Variants in NIPAL4 observed in about 807,000 individuals in gnomAD.
The protein encoded by NIPAL4 is NIPA like domain containing 4.
In NIPAL4, 21 loss-of-function variants were observed where a neutral mutation model predicts 31.6. The observed-to-expected ratio is 0.67, with a 90% CI of 0.47 to 0.96. The LOEUF is 0.96. Ranked by LOEUF, NIPAL4 falls within the 40% of genes least tolerant of loss-of-function variation. The pLI is 0.00. For synonymous variants in NIPAL4, 175 were observed against 211.1 expected, an observed-to-expected ratio of 0.83 and a Z score of 1.48; for missense variants, 438 against 508.0, an observed-to-expected ratio of 0.86 and a Z score of 1.32.
At chr5:157,468,873 G>A in intron 4 of NIPAL4, 61 bp downstream of exon 4, 2 of 1,201,772 alleles carry the variant, frequency 1.7e-6, no homozygotes, top group Non-Finnish European at 2.4e-6. Flanking sequence ...TTGAGGCCTG[G>A]AATTGCCAAG....
chr5:157,467,626 C>T (rs1290063951), intron 3 of NIPAL4: 1 of 163,928 alleles, frequency 6.1e-6, no homozygotes, highest in African/African-American at 2.4e-5. Flanking sequence ...TCATAATCCC[C>T]TATGTCAAGT....
chr5:157,469,505 G>A (rs1754368609), intron 4 of NIPAL4, among the ~76,000 whole-genome samples: 1 of 152,202 alleles, frequency 6.6e-6, no homozygotes, highest in Non-Finnish European at 1.5e-5. Context: ...GGCCAGGCCA[G>A]GATTCTAACC....
At chr5:157,460,618 C>A in intron 1 of NIPAL4, 5 of 648,572 alleles carry the variant, frequency 7.7e-6, no homozygotes, top group South Asian at 3.1e-5. Context: ...TAGTGGGGGG[C>A]AGGCATTTTG....
chr5:157,461,184 T>C (rs1754094652), intron 1 of NIPAL4, among the ~76,000 whole-genome samples: 1 of 152,234 alleles, frequency 6.6e-6, no homozygotes, highest in Non-Finnish European at 1.5e-5. Context: ...TGTCTGACTT[T>C]GGTTTCCTGA....
At position 157,471,784 on chromosome 5, in the gene NIPAL4, A is replaced by C; in HGVS notation, c.553A>C (p.Ile185Leu). The C allele has an allele frequency of 6.3e-7, 1 of 1,597,630 alleles. No homozygotes were observed. Among genetic ancestry groups the C allele is most frequent in the Admixed American group, 1.7e-5 (1 of 57,386 alleles). The change falls in exon 5 of 6, where the codon ATC becomes CTC. Residue 185 changes from isoleucine (I) to leucine (L), a missense_variant. Transcript: ENST00000311946. ...HAPEEEKVTT[I>L]MEMASKMKDT... ...TCCTGAGGAAGAGAAGGTCACTACC[A>C]TCATGGAGATGGCTTCCAAGATGAA...
In NIPAL4 at chr5:157,472,375, C is replaced by T; in HGVS notation, c.630C>T (p.Ile210=). 1 of 1,611,214 alleles carries T rather than the reference C, an allele frequency of 6.2e-7. No homozygotes were observed. The highest frequency in any genetic ancestry group is 1.1e-5 in the South Asian group (1 of 91,064). Residue 210 remains isoleucine, a synonymous_variant, in exon 6 of 6, where the codon ATC becomes ATT. Transcript: ENST00000311946. ...FAVLLLVSCL[I]LIFVIAPRYG... ...TGCTTCTGCTGGTGTCATGCCTCAT[C>T]CTCATCTTTGTCATTGCCCCACGTT...
Position 157,472,495 on chromosome 5 carries a change from G to T in NIPAL4, c.750G>T (p.Lys250Asn). ...TCAAGGGGCTGGGCATCACCATCAA[G>T]AACTTCTTCCAGGGGCTGCCAGTTG... ...AAVKGLGITIKNFFQGLPVVR... is the reference protein window; with the variant it reads ...AAVKGLGITINNFFQGLPVVR... Residue 250 changes from lysine (K) to asparagine (N), a missense_variant, in exon 6 of 6, where the codon AAG becomes AAT. By Grantham distance (94) the Lys-to-Asn change is moderately conservative. Transcript: ENST00000311946. The T allele has an allele frequency of 6.2e-7, 1 of 1,613,892 alleles. No homozygotes were observed. The highest frequency in any genetic ancestry group is 8.5e-7 in the Non-Finnish European group (1 of 1,179,880).
chr5:157,471,312 T>C (rs771484998), intron 4 of NIPAL4, among the ~76,000 whole-genome samples: 1 of 152,196 alleles, frequency 6.6e-6, no homozygotes, highest in Non-Finnish European at 1.5e-5. Context: ...ACATTCAGAA[T>C]GTTCAGCACA....
intron 3 of NIPAL4, 46 bp from the exon 4 acceptor site, chr5:157,468,676 G>A: frequency 1.9e-6 from 2 of 1,055,896 alleles, no homozygotes; most frequent in Non-Finnish European, 3.0e-6. Flanking sequence ...GAATGGAGAT[G>A]GTGCTTCTGC....
intron 1 of NIPAL4, 90 bp downstream of exon 1, chr5:157,460,447 AG>A: frequency 2.3e-6 from 3 of 1,317,558 alleles, no homozygotes; most frequent in Non-Finnish European, 3.2e-6. Flanking sequence ...CTCTCCTCCC[AG>A]GGGGGCCAAA....
intron 1 of NIPAL4, chr5:157,460,658 G>A: frequency 1.6e-6 from 1 of 608,180 alleles, no homozygotes; most frequent in Non-Finnish European, 3.1e-6. Context: ...GAGGTGGTGG[G>A]GGCGGGGGGA....
At chr5:157,461,929 C>T (rs115723408) in intron 1 of NIPAL4, among the ~76,000 whole-genome samples, 334 of 152,350 alleles carry the variant, frequency 2.2e-3, no homozygotes, top group African/African-American at 7.6e-3. Flanking sequence ...TAGTCTGTTC[C>T]ACCAAGATGC....
chr5:157,460,445 C>T, intron 1 of NIPAL4, 88 bp downstream of exon 1: 1 of 1,322,570 alleles, frequency 7.6e-7, no homozygotes, highest in Non-Finnish European at 1.1e-6. Context: ...TCCTCTCCTC[C>T]CAGGGGGGCC....
At chr5:157,464,857 A>C (rs1453365198) in intron 2 of NIPAL4, among the ~76,000 whole-genome samples, 2 of 152,188 alleles carry the variant, frequency 1.3e-5, no homozygotes, top group African/African-American at 4.8e-5. Flanking sequence ...TGGGCAAGAA[A>C]AGTATCTATT....
chr5:157,463,858 C>T (rs1017237774), intron 2 of NIPAL4, among the ~76,000 whole-genome samples: 4 of 152,158 alleles, frequency 2.6e-5, no homozygotes, highest in Non-Finnish European at 5.9e-5. Flanking sequence ...TGAAACAGTG[C>T]TTGAGAAAAG....
intron 1 of NIPAL4, among the ~76,000 whole-genome samples, chr5:157,462,614 A>G (rs906423184): frequency 7.9e-5 from 12 of 152,248 alleles, no homozygotes; most frequent in Non-Finnish European, 1.5e-4. Flanking sequence ...AGAATCTGAC[A>G]CTGGCTTCAC....
chr5:157,462,469 T>C (rs930829699), intron 1 of NIPAL4, among the ~76,000 whole-genome samples: 22 of 150,950 alleles, frequency 1.5e-4, no homozygotes, highest in Admixed American at 9.9e-4. Flanking sequence ...CTCTGCAACA[T>C]AGCAAGACCC....
rs749969654 is a variant in NIPAL4, at chr5:157,463,308, C to T, written c.252C>T (p.Leu84=). ...VILKKKGLLR[L]VATGATRAVD... ...TCAAGAAGAAAGGCCTCTTGCGACT[C>T]GTGGCCACGGGAGCCACTCGAGCTG... The change falls in exon 2 of 6, where the codon CTC becomes CTT. Residue 84 remains leucine, a synonymous_variant. Coordinates refer to ENST00000311946, the MANE Select transcript of NIPAL4 (RefSeq NM_001099287.2). 1.4e-5 allele frequency: 22 copies of T among 1,611,340 alleles called. No individual in the cohort carries two copies. Among genetic ancestry groups the T allele is most frequent in the African/African-American group, 9.3e-5 (7 of 74,878 alleles).
intron 2 of NIPAL4, among the ~76,000 whole-genome samples, chr5:157,465,531 G>A (rs1053898862): frequency 1.3e-5 from 2 of 152,056 alleles, no homozygotes; most frequent in Non-Finnish European, 2.9e-5. Context: ...TATCATCATC[G>A]TTGTTGCTAA....
Sources: allele counts gnomAD v4.1 joint callset (sites outside exome capture counted in the v4.1 genomes callset), GRCh38; gene constraint gnomAD v4.1.1; transcripts MANE v1.5; gene names NCBI Gene and HGNC (gene_info 2026-07-23, HGNC 2026-07-21).